The following VPS13A variants were observed in gnomAD, a reference collection of about 807,000 sequenced individuals.
The protein encoded by VPS13A is intermembrane lipid transfer protein VPS13A.
A neutral mutation model predicts 390.9 loss-of-function variants in VPS13A; 264 were observed. That is an observed-to-expected ratio of 0.68 (90% confidence interval 0.61 to 0.75). VPS13A has a LOEUF of 0.75. Among genes scored for constraint, VPS13A ranks in the 30% least tolerant of loss-of-function variants. The pLI, the probability that VPS13A is intolerant of heterozygous loss-of-function variation, is 0.00. For synonymous variants in VPS13A, 1,231 were observed against 1,227.1 expected, an observed-to-expected ratio of 1.00 and a Z score of -0.07; for missense variants, 3,409 against 3,733.9, an observed-to-expected ratio of 0.91 and a Z score of 2.27.
chr9:77,406,175 T>C (rs1410553296), intron 70 of VPS13A, among the ~76,000 whole-genome samples, 188 bp downstream of exon 70: 1 of 150,620 alleles, frequency 6.6e-6, no homozygotes, highest in South Asian at 2.1e-4. Context: ...CAAGAAAAAC[T>C]GTGCTTTCTG....
At chr9:77,231,343 A>C (rs1180997687) in intron 17 of VPS13A, among the ~76,000 whole-genome samples, 1 of 152,058 alleles carries the variant, frequency 6.6e-6, no homozygotes, top group African/African-American at 2.4e-5. Context: ...CACCATTATG[A>C]TGTTAGATGT....
In VPS13A at chr9:77,420,310, T is replaced by A. The variant is rs374481222; in HGVS notation, c.*4304T>A. On this transcript the variant is annotated 3_prime_UTR_variant, in exon 72 of 72. Transcript: ENST00000360280. ...CTATCCAAAAAGCAAGGCCAGCACA[T>A]TGAGAAGATGCAGAATCCTACTCTA... 7.2e-5 allele frequency: 11 copies of A among 152,296 alleles called. No homozygotes were observed. The highest frequency in any genetic ancestry group is 2.6e-4 in the Admixed American group (4 of 15,296). The allele number at this position is 152,296 out of a possible 1,614,324, so 9.4% of individuals were successfully genotyped here.
chr9:77,215,097 G>T (rs142888004), intron 10 of VPS13A, among the ~76,000 whole-genome samples: 1,886 of 152,142 alleles, frequency 0.012, 38 homozygotes, highest in African/African-American at 0.044. Context: ...CCAAGATCAC[G>T]CCACTGCACT....
At chr9:77,347,863 G>T (rs954766578) in intron 52 of VPS13A, among the ~76,000 whole-genome samples, 1 of 148,028 alleles carries the variant, frequency 6.8e-6, no homozygotes, top group African/African-American at 2.5e-5. Flanking sequence ...ACAAAGTGAA[G>T]TTTTTTTTTT....
chr9:77,177,703 A>G lies in VPS13A; in HGVS notation c.-2A>G, dbSNP rs780906159. 3.1e-5 allele frequency: 50 copies of G among 1,611,600 alleles called. No individual in the cohort carries two copies. The Admixed American group carries it at 7.0e-4, about 23-fold the overall frequency. ...CTGCCGTGCCCACCACGGCTGAGGAACATGGTTTTCGAGTCGGTGGTCGTG... is the reference window on the plus strand; with the variant it reads ...CTGCCGTGCCCACCACGGCTGAGGAGCATGGTTTTCGAGTCGGTGGTCGTG... On this transcript the variant is annotated 5_prime_UTR_variant, in exon 1 of 72. Coordinates refer to ENST00000360280, the MANE Select transcript of VPS13A (RefSeq NM_033305.3).
At chr9:77,211,454 C>A (rs1375257619) in intron 7 of VPS13A, 1 of 152,048 alleles carries the variant, frequency 6.6e-6, no homozygotes, top group Non-Finnish European at 1.5e-5. Context: ...AGTTTAACTG[C>A]TGTGTATTTC....
chr9:77,383,535 C>T (rs1040255486), intron 68 of VPS13A, among the ~76,000 whole-genome samples: 1 of 151,890 alleles, frequency 6.6e-6, no homozygotes, highest in Non-Finnish European at 1.5e-5. Flanking sequence ...AAATATAGTA[C>T]GAAGTAAGGA....
chr9:77,235,316 A>G (rs985435120), intron 17 of VPS13A, among the ~76,000 whole-genome samples: 2 of 152,128 alleles, frequency 1.3e-5, no homozygotes, highest in Non-Finnish European at 2.9e-5. Context: ...TTTGTCATAT[A>G]TAGATTTCTT....
intron 50 of VPS13A, among the ~76,000 whole-genome samples, chr9:77,341,876 C>T (rs1270200010): frequency 1.3e-5 from 2 of 151,652 alleles, no homozygotes; most frequent in Non-Finnish European, 2.9e-5. Flanking sequence ...ATAGTTAAAG[C>T]CACAGTAGTT....
Position 77,416,181 on chromosome 9 carries a change from TA to T in VPS13A, c.*179del. On this transcript the variant is annotated 3_prime_UTR_variant, in exon 72 of 72. Coordinates refer to ENST00000360280, the MANE Select transcript of VPS13A (RefSeq NM_033305.3). ...ACAAAAAAACAAAACCAGAATCAGGTAAAACAGCTATGTGATTAAAATATTT... is the reference window on the plus strand; with the variant it reads ...ACAAAAAAACAAAACCAGAATCAGGTAAACAGCTATGTGATTAAAATATTT... The T allele has an allele frequency of 1.5e-6, 1 of 667,546 alleles. No homozygotes were observed. Among genetic ancestry groups the T allele is most frequent in the South Asian group, 1.9e-5 (1 of 53,992 alleles). The allele number at this position is 667,546 out of a possible 1,614,324, so 41.4% of individuals were successfully genotyped here.
At chr9:77,343,434 C>G (rs1830950766) in intron 50 of VPS13A, among the ~76,000 whole-genome samples, 1 of 152,190 alleles carries the variant, frequency 6.6e-6, no homozygotes, top group Non-Finnish European at 1.5e-5. Context: ...AGCAGTCTCA[C>G]TGAAATATAT....
chr9:77,400,928 A>T (rs910355076), intron 68 of VPS13A, among the ~76,000 whole-genome samples: 1 of 152,116 alleles, frequency 6.6e-6, no homozygotes, highest in Non-Finnish European at 1.5e-5. Flanking sequence ...GATAGGGTAT[A>T]TAGAGAGAAG....
At chr9:77,205,923 T>G in intron 4 of VPS13A, 55 bp from the exon 5 acceptor site, 1 of 1,296,910 alleles carries the variant, frequency 7.7e-7, no homozygotes, top group Non-Finnish European at 1.1e-6. Flanking sequence ...TTTTTTGGAA[T>G]GACTATATTT....
chr9:77,230,501 A>T (rs955699873), intron 17 of VPS13A, among the ~76,000 whole-genome samples: 7 of 152,080 alleles, frequency 4.6e-5, no homozygotes, highest in African/African-American at 1.7e-4. Context: ...TTCCCATTGA[A>T]TGATCTTGGC....
chr9:77,375,276 T>G (rs1185689268), intron 67 of VPS13A, among the ~76,000 whole-genome samples: 1 of 152,112 alleles, frequency 6.6e-6, no homozygotes. Flanking sequence ...TATTGAAGGA[T>G]GTACCTGTGA....
chr9:77,225,883 G>A, intron 13 of VPS13A, 43 bp from the exon 14 acceptor site: 1 of 1,483,782 alleles, frequency 6.7e-7, no homozygotes, highest in South Asian at 1.1e-5. Flanking sequence ...ATTATGTAAA[G>A]TTATTTTTGT....
At position 77,315,279 on chromosome 9, in the gene VPS13A, A is replaced by C; in HGVS notation, c.4439A>C (p.Asp1480Ala). The C allele has an allele frequency of 1.2e-6, 2 of 1,613,930 alleles. No homozygotes were observed. The highest frequency in any genetic ancestry group is 1.7e-6 in the Non-Finnish European group (2 of 1,179,816). ...ATGATAGGACTGACAGTTGGTTTTG[A>C]CAAAAAAGACATGATGGATATAAAG... is the stretch of plus-strand genomic sequence containing the variant. ...PRMIGLTVGF[D>A]KKDMMDIKYR... is the part of the protein sequence containing the mutation. The change falls in exon 38 of 72, where the codon GAC becomes GCC. Residue 1480 changes from aspartate to alanine, a missense_variant. Physicochemically the swap from Asp to Ala is moderately radical, Grantham distance 126 (BLOSUM62 -2). This residue lies in a region of VPS13A where 2,717 missense variants were observed against 2,917.4 expected (regional missense o/e 0.93). Transcript: ENST00000360280.
chr9:77,391,891 C>G (rs1833913797), intron 68 of VPS13A, among the ~76,000 whole-genome samples: 1 of 152,138 alleles, frequency 6.6e-6, no homozygotes, highest in African/African-American at 2.4e-5. Context: ...ATTTGTTCTA[C>G]AAACAAATTC....
At chr9:77,356,688 C>G (rs1831799495) in intron 54 of VPS13A, 26 bp from the exon 55 acceptor site, 1 of 1,580,214 alleles carries the variant, frequency 6.3e-7, no homozygotes. Context: ...GTATTAAATA[C>G]TATGATTTTT....
Sources: allele counts gnomAD v4.1 joint callset (sites outside exome capture counted in the v4.1 genomes callset), GRCh38; gene constraint gnomAD v4.1.1; regional missense constraint gnomAD v4.1.1; transcripts MANE v1.5; gene names NCBI Gene and HGNC (gene_info 2026-07-23, HGNC 2026-07-21).